The following AFAP1 variants were observed in gnomAD, a reference collection of about 807,000 sequenced individuals.
AFAP1 encodes the protein actin filament associated protein 1.
In AFAP1, 75 loss-of-function variants were observed where a neutral mutation model predicts 93.9. The ratio of observed to expected loss-of-function variants is 0.80; its 90% confidence interval spans 0.66 to 0.97. AFAP1 has a LOEUF of 0.97. Among genes scored for constraint, AFAP1 ranks in the 50% least tolerant of loss-of-function variants. The pLI, the probability that AFAP1 is intolerant of heterozygous loss-of-function variation, is 0.00. For missense variants in AFAP1, 1,201 were observed against 1,050.8 expected (o/e 1.14, Z -1.98); for synonymous variants, 517 against 430.7 (o/e 1.20, Z -2.48).
At chr4:7,883,273 A>C (rs2149198850) in intron 1 of AFAP1, among the ~76,000 whole-genome samples, 1 of 152,198 alleles carries the variant, frequency 6.6e-6, no homozygotes, top group South Asian at 2.1e-4. Flanking sequence ...ATCTAATGAG[A>C]AGATAATGCA....
intron 1 of AFAP1, among the ~76,000 whole-genome samples, chr4:7,937,420 G>A (rs531056144): frequency 6.6e-6 from 1 of 152,324 alleles, no homozygotes; most frequent in East Asian, 1.9e-4. Context: ...TCAAAGGTGA[G>A]AAAAATGAAG....
At chr4:7,929,737 C>G (rs1720959752) in intron 1 of AFAP1, among the ~76,000 whole-genome samples, 1 of 152,218 alleles carries the variant, frequency 6.6e-6, no homozygotes, top group Non-Finnish European at 1.5e-5. Context: ...CTTCACCACA[C>G]AGAGGCGGCA....
At chr4:7,830,129 T>C (rs980408364) in intron 6 of AFAP1, among the ~76,000 whole-genome samples, 1 of 151,656 alleles carries the variant, frequency 6.6e-6, no homozygotes, top group Non-Finnish European at 1.5e-5. Flanking sequence ...AGGTCCAAAA[T>C]GCTGCACCCT....
intron 6 of AFAP1, among the ~76,000 whole-genome samples, chr4:7,830,323 C>T (rs1721778226): frequency 6.6e-6 from 1 of 152,044 alleles, no homozygotes; most frequent in Non-Finnish European, 1.5e-5. Flanking sequence ...AAGGTGTGCA[C>T]ATACTAAATA....
chr4:7,865,043 A>G (rs1056233316), intron 3 of AFAP1, among the ~76,000 whole-genome samples: 1 of 152,246 alleles, frequency 6.6e-6, no homozygotes, highest in Admixed American at 6.5e-5. Context: ...TATTAAAAAA[A>G]AAGACAGGGC....
chr4:7,938,720 A>G (rs1405866797), intron 1 of AFAP1, among the ~76,000 whole-genome samples: 1 of 152,002 alleles, frequency 6.6e-6, no homozygotes, highest in Non-Finnish European at 1.5e-5. Flanking sequence ...ACAAAGTTCA[A>G]TCTGGCTTTC....
chr4:7,922,023 T>C (rs1720466489), intron 1 of AFAP1, among the ~76,000 whole-genome samples: 1 of 152,080 alleles, frequency 6.6e-6, no homozygotes, highest in Admixed American at 6.6e-5. Flanking sequence ...CTCGGGAGGC[T>C]GAGGCAGCAG....
At chr4:7,828,835 C>A (rs1355929917) in intron 6 of AFAP1, among the ~76,000 whole-genome samples, 1 of 152,220 alleles carries the variant, frequency 6.6e-6, no homozygotes, top group Non-Finnish European at 1.5e-5. Context: ...TCCCAGGAGT[C>A]TGACTCCAGT....
Position 7,917,889 on chromosome 4 carries a change from A to G in AFAP1, c.-3+21767T>C, listed in dbSNP as rs114129199. On this transcript the variant is annotated intron_variant, in intron 1 of 17. Coordinates refer to ENST00000420658, the MANE Select transcript of AFAP1 (RefSeq NM_001134647.2). ...GACACTTAGTCATCATCCCCACAACACTCAGCACCGCAAAGAGACCAGGGC... is the reference window on the plus strand; with the variant it reads ...GACACTTAGTCATCATCCCCACAACGCTCAGCACCGCAAAGAGACCAGGGC... Among the ~76,000 whole-genome samples, 1,048 of 152,054 alleles carry G rather than the reference A, an allele frequency of 6.9e-3. 8 individuals are homozygous for G. The highest frequency in any genetic ancestry group is 0.023 in the African/African-American group (937 of 41,464).
intron 1 of AFAP1, among the ~76,000 whole-genome samples, chr4:7,920,203 T>A (rs1307821638): frequency 6.6e-6 from 1 of 152,222 alleles, no homozygotes; most frequent in African/African-American, 2.4e-5. Flanking sequence ...TCTAGATCTT[T>A]GAGGAATCGC....
intron 15 of AFAP1, 130 bp from the exon 16 acceptor site, chr4:7,773,140 G>A (rs1015990707): frequency 1.2e-5 from 16 of 1,375,304 alleles, no homozygotes; most frequent in African/African-American, 4.4e-5. Context: ...TTAGGTCCTC[G>A]TTGTGAAACT....
intron 10 of AFAP1, among the ~76,000 whole-genome samples, chr4:7,796,131 T>C (rs572960446): frequency 1.3e-5 from 2 of 152,254 alleles, no homozygotes; most frequent in East Asian, 1.9e-4. Flanking sequence ...CCAGGAGCTC[T>C]GGCCCGCCGG....
rs376959896 is a variant in AFAP1 at position 7,898,808 on chromosome 4, A to AGAGTGTGTGTGT, written c.-2-26729_-2-26728insACACACACACTC. Among the ~76,000 whole-genome samples the AGAGTGTGTGTGT allele has an allele frequency of 1.1e-3, 155 of 137,026 alleles. 2 individuals carry two copies. The highest frequency in any genetic ancestry group is 4.0e-3 in the African/African-American group (146 of 36,796). The allele number at this position is 137,026 out of a possible 152,430, so 89.9% of individuals were successfully genotyped here. ...TTGTCTTTCTGTGCTGGGCAGTAGA[A>AGAGTGTGTGTGT]GTGTGTGTGTGTGTGTGTGTGTGTG... On this transcript the variant is annotated intron_variant, in intron 1 of 17. Transcript: ENST00000420658.
At chr4:7,770,337 C>A (rs145037534) in intron 16 of AFAP1, among the ~76,000 whole-genome samples, 12 of 152,242 alleles carry the variant, frequency 7.9e-5, no homozygotes, top group African/African-American at 2.9e-4. Context: ...GCAGCTGTGC[C>A]GAAGGGCACC....
rs201774196 is a variant in AFAP1 at position 7,774,853 on chromosome 4, G to T, written c.1948C>A (p.Arg650=). ...GKNRVEADAK[R]LQTKEEELLK... ...AGCTCCTCCTCTTTGGTCTGTAGCC[G>T]CTTGGCATCTGCTTCTACCCGGTTC... is the stretch of plus-strand genomic sequence containing the variant. The change falls in exon 15 of 18, where the codon CGG becomes AGG. Residue 650 remains arginine, a synonymous_variant. Coordinates refer to ENST00000420658, the MANE Select transcript of AFAP1 (RefSeq NM_001134647.2). The T allele has an allele frequency of 3.7e-6, 6 of 1,614,148 alleles. No homozygotes were observed. The highest frequency in any genetic ancestry group is 5.1e-6 in the Non-Finnish European group (6 of 1,180,032).
chr4:7,778,795 C>G lies in AFAP1; in HGVS notation c.1864G>C (p.Asp622His). The change falls in exon 14 of 18, where the codon GAT becomes CAT. Residue 622 changes from aspartate (D) to histidine (H), a missense_variant. By Grantham distance (81) the Asp-to-His change is moderately conservative. Transcript: ENST00000420658. The stretch of plus-strand genomic sequence containing the variant: ...GTCCTTTTCACAACAGCCGCGGGAT[C>G]CGCTTTCTTTGGCTGACTGCTCAGA... The part of the protein sequence containing the change: ...KTLSSQPKKA[D>H]PAAVVKRTGS... The G allele has an allele frequency of 1.2e-6, 2 of 1,614,224 alleles. No homozygotes were observed. Among genetic ancestry groups the G allele is most frequent in the South Asian group, 2.2e-5 (2 of 91,088 alleles).
chr4:7,763,514 C>G lies in AFAP1; in HGVS notation c.*251G>C. The G allele has an allele frequency of 1.8e-6, 1 of 541,318 alleles. No homozygotes were observed. Among genetic ancestry groups the G allele is most frequent in the South Asian group, 2.6e-5 (1 of 37,742 alleles). 33.5% of individuals were successfully genotyped at this position (541,318 alleles called of 1,614,324 possible). The stretch of plus-strand genomic sequence containing the variant: ...CGCCTGATAGCATCCTTTCAAACAC[C>G]TTTCCATCACTTTTTTTGTTTTTTA... On this transcript the variant is annotated 3_prime_UTR_variant, in exon 18 of 18. Coordinates refer to ENST00000420658, the MANE Select transcript of AFAP1 (RefSeq NM_001134647.2).
At chr4:7,852,290 C>T (rs559469687) in intron 4 of AFAP1, among the ~76,000 whole-genome samples, 2 of 152,256 alleles carry the variant, frequency 1.3e-5, no homozygotes, top group Admixed American at 1.3e-4. Flanking sequence ...GCTTTCCTTC[C>T]CTAAAATGCT....
chr4:7,883,903 T>C (rs1000454496), intron 1 of AFAP1, among the ~76,000 whole-genome samples: 1 of 152,198 alleles, frequency 6.6e-6, no homozygotes. Flanking sequence ...TTAACAAATA[T>C]ATTTCGAGCA....
Sources: gnomAD v4.1 joint callset for allele counts (sites outside exome capture counted in the v4.1 genomes callset) on GRCh38, gnomAD v4.1.1 for gene constraint, MANE v1.5 for transcripts, NCBI Gene and HGNC (gene_info 2026-07-23, HGNC 2026-07-21) for gene names.